Variants in ZNF593OS observed in about 807,000 individuals in gnomAD.
ZNF593OS encodes the protein transmembrane protein ZNF593OS.
downstream of ZNF593OS, chr1:26,170,157 C>A (rs1467263576): frequency 6.4e-7 from 1 of 1,570,730 alleles, no homozygotes; most frequent in Non-Finnish European, 8.6e-7. Context: ...TGCCAGGGGG[C>A]GGTCTGCACC....
At chr1:26,169,880 T>G, downstream of ZNF593OS, 1 of 1,269,712 alleles carries the variant, frequency 7.9e-7, no homozygotes. Flanking sequence ...CGAGCCTGCC[T>G]AGCCCCCCGG....
Position 26,171,461 on chromosome 1 carries a change from A to T in ZNF593OS, c.46-126T>A, listed in dbSNP as rs1277694897. Reference sequence around the variant, plus strand: ...TGGACGCCGGTCCTGCCCCAGGGAGATTCCACCCCAATCCCTTTCGCCTCA... The same window carrying T: ...TGGACGCCGGTCCTGCCCCAGGGAGTTTCCACCCCAATCCCTTTCGCCTCA... On this transcript the variant is annotated intron_variant, in intron 1 of 1. Transcript: ENST00000648649. The surrounding 1 kb of genome is among the most constrained non-coding windows in gnomAD (Gnocchi z 5.5). 7 of 398,482 alleles carry T rather than the reference A, an allele frequency of 1.8e-5. No individual in the cohort carries two copies. In the Admixed American group the frequency reaches 2.2e-4, roughly 13 times the overall value. The allele number at this position is 398,482 out of a possible 1,614,324, so 24.7% of individuals were successfully genotyped here. A position where few individuals can be genotyped will look rare whatever the true frequency, so the allele number is the denominator to read the frequency against.
exon 2 of ZNF593OS, chr1:26,170,700 T>C (rs751688682): frequency 1.9e-6 from 3 of 1,607,184 alleles, no homozygotes; most frequent in East Asian, 2.2e-5. Context: ...GTCCCTGAGA[T>C]GGATACCTCT....
At chr1:26,169,650 T>C (rs995396908), downstream of ZNF593OS, 31 of 406,890 alleles carry the variant, frequency 7.6e-5, no homozygotes, top group Non-Finnish European at 1.3e-4. Context: ...TTGGCACTGA[T>C]ACTGGTTGGA....
At chr1:26,169,850 G>C, downstream of ZNF593OS, 1 of 963,056 alleles carries the variant, frequency 1.0e-6, no homozygotes, top group Non-Finnish European at 1.4e-6. Context: ...CGAGAGTGAC[G>C]TCATCAGAGG....
exon 2 of ZNF593OS, chr1:26,170,762 C>T (rs558531818): frequency 4.4e-6 from 7 of 1,580,004 alleles, no homozygotes; most frequent in South Asian, 3.4e-5. Flanking sequence ...TGGACAGTGA[C>T]GCAAGGACTA....
rs932803612 is a variant in ZNF593OS, at chr1:26,171,366, G to C, written c.46-31C>G. ...GGTGCACAGAGGGTGTGCCTCAGGG[G>C]TCAGTTGAGACTGCCAGGAAGGTGG... On this transcript the variant is annotated intron_variant, in intron 1 of 1. Coordinates refer to ENST00000648649, the Ensembl canonical transcript of ZNF593OS. This position sits in a 1 kb window ranked among gnomAD's most constrained non-coding sequence, Gnocchi z 5.5. The C allele has an allele frequency of 2.5e-6, 1 of 399,922 alleles. No homozygotes were observed. Among genetic ancestry groups the C allele is most frequent in the African/African-American group, 2.1e-5 (1 of 48,750 alleles). The allele number at this position is 399,922 out of a possible 1,614,324, so 24.8% of individuals were successfully genotyped here.
chr1:26,170,037 G>C (rs2124497249), downstream of ZNF593OS: 1 of 1,573,264 alleles, frequency 6.4e-7, no homozygotes, highest in Non-Finnish European at 8.6e-7. Context: ...TAGCCCGGCA[G>C]ATGAAGGCGA....
Position 26,171,604 on chromosome 1 carries a change from CA to C in ZNF593OS, c.45+12del, listed in dbSNP as rs2088497974. The C allele has an allele frequency of 2.5e-6, 1 of 398,570 alleles. No individual in the cohort carries two copies. Among genetic ancestry groups the C allele is most frequent in the Non-Finnish European group, 4.4e-6 (1 of 226,044 alleles). The allele number at this position is 398,570 out of a possible 1,614,324, so 24.7% of individuals were successfully genotyped here. A position where few individuals can be genotyped will look rare whatever the true frequency, so the allele number is the denominator to read the frequency against. On this transcript the variant is annotated intron_variant, in intron 1 of 1. Transcript: ENST00000648649. This position sits in a 1 kb window ranked among gnomAD's most constrained non-coding sequence, Gnocchi z 5.5. ...GTCAGTCGTGCCAGAAACCGTTGAT[CA>C]GGGGTACTTACCTGTAACACCCGGA... is the stretch of plus-strand genomic sequence containing the variant.
chr1:26,169,767 C>T, downstream of ZNF593OS: 2 of 560,442 alleles, frequency 3.6e-6, no homozygotes, highest in Non-Finnish European at 6.1e-6. Flanking sequence ...CTTCAGTGGG[C>T]ACACTTCTGG....
downstream of ZNF593OS, chr1:26,169,819 G>A (rs2088465161): frequency 1.4e-6 from 1 of 735,774 alleles, no homozygotes. Flanking sequence ...ACGGCCGCCT[G>A]GCGGCGCTCG....
exon 2 of ZNF593OS, chr1:26,170,774 G>A (rs760355514): frequency 9.1e-5 from 142 of 1,563,150 alleles, no homozygotes; most frequent in Non-Finnish European, 1.2e-4. Context: ...CAAGGACTAG[G>A]CTGGGAGGGA....
In ZNF593OS at chr1:26,170,862, G is replaced by A. The variant is rs1375883208; in HGVS notation, c.*327C>T. On this transcript the variant is annotated 3_prime_UTR_variant, in exon 2 of 2. Transcript: ENST00000648649. ...GTGCCCTGCCCCAAATAAAGGAACTGGACAAAGAGAACTTGCCTCCAACTC... is the reference window on the plus strand; with the variant it reads ...GTGCCCTGCCCCAAATAAAGGAACTAGACAAAGAGAACTTGCCTCCAACTC... 6.7e-6 allele frequency: 7 copies of A among 1,050,074 alleles called. No homozygotes were observed. In the Admixed American group the frequency reaches 8.6e-5, roughly 13 times the overall value. 65.0% of individuals were successfully genotyped at this position (1,050,074 alleles called of 1,614,324 possible).
chr1:26,171,204 C>T lies in ZNF593OS; in HGVS notation c.177G>A (p.Val59=). 7.4e-6 allele frequency: 3 copies of T among 406,642 alleles called. No individual in the cohort carries two copies. The highest frequency in any genetic ancestry group is 1.3e-5 in the Non-Finnish European group (3 of 230,406). 25.2% of individuals were successfully genotyped at this position (406,642 alleles called of 1,614,324 possible). ...CTCTTCTTCGTTACGGGGCCCGTGG[C>T]ACCCGCCGCTGCCCCACCATCTTCC... The change falls in exon 2 of 2, where the codon GTG becomes GTA. Residue 59 remains valine, a synonymous_variant. Transcript: ENST00000648649. This position sits in a 1 kb window ranked among gnomAD's most constrained non-coding sequence, Gnocchi z 5.5.
chr1:26,169,903 T>TA, downstream of ZNF593OS: 1 of 1,383,586 alleles, frequency 7.2e-7, no homozygotes, highest in Non-Finnish European at 9.5e-7. Flanking sequence ...TGGCCTGACG[T>TA]AGCTGATCGG....
exon 2 of ZNF593OS, chr1:26,170,663 G>C (rs919559605): frequency 6.2e-7 from 1 of 1,611,524 alleles, no homozygotes; most frequent in African/African-American, 1.3e-5. Context: ...CAGGCGGCTG[G>C]CAGTGCCCAC....
exon 2 of ZNF593OS, chr1:26,170,777 G>T: frequency 6.4e-7 from 1 of 1,557,200 alleles, no homozygotes; most frequent in Non-Finnish European, 8.6e-7. Flanking sequence ...GGACTAGGCT[G>T]GGAGGGAGCG....
At chr1:26,170,467 G>C (rs2088479141), downstream of ZNF593OS, 2 of 1,614,200 alleles carry the variant, frequency 1.2e-6, no homozygotes, top group Non-Finnish European at 1.7e-6. Context: ...CCGATCCAAA[G>C]ACCACAAGAA....
At chr1:26,170,536 AC>A in exon 2 of ZNF593OS, 1 of 1,614,094 alleles carries the variant, frequency 6.2e-7, no homozygotes, top group South Asian at 1.1e-5. Flanking sequence ...TAGGGCTCTC[AC>A]CTGGTCAGCT....
Sources: allele counts gnomAD v4.1 joint callset, GRCh38; gene constraint gnomAD v4.1.1; non-coding constraint Gnocchi (gnomAD v3.1); transcripts MANE v1.5; gene names NCBI Gene and HGNC (gene_info 2026-07-23, HGNC 2026-07-21).